The following PDE9A variants were observed in gnomAD, a reference collection of about 807,000 sequenced individuals.
PDE9A encodes the protein high affinity cGMP-specific 3',5'-cyclic phosphodiesterase 9A.
PDE9A carries 60 observed loss-of-function variants against 87.4 expected under a neutral mutation model. The ratio of observed to expected loss-of-function variants is 0.69; its 90% CI spans 0.56 to 0.85. PDE9A has a LOEUF of 0.85. PDE9A is among the 40% of genes least tolerant of loss of function. PDE9A has a pLI of 0.00. For synonymous variants in PDE9A, 272 were observed against 279.4 expected (o/e 0.97, Z 0.27); for missense variants, 665 against 779.0 (o/e 0.85, Z 1.74).
intron 1 of PDE9A, among the ~76,000 whole-genome samples, chr21:42,655,956 G>A (rs1039549509): frequency 6.6e-6 from 1 of 152,176 alleles, no homozygotes; most frequent in African/African-American, 2.4e-5. Flanking sequence ...CAAGCCATGT[G>A]CCGGGCAAAG....
Position 42,723,707 on chromosome 21 carries a change from C to T in PDE9A, c.263-8063C>T, listed in dbSNP as rs958549452. ...TATCAGCTTGCTCTCCCTAGGTTTC[C>T]ATCACATGGATCAGCGAGAGTTAAT... is the stretch of plus-strand genomic sequence containing the variant. On this transcript the variant is annotated intron_variant, in intron 4 of 19. Coordinates refer to ENST00000291539, the MANE Select transcript of PDE9A (RefSeq NM_002606.3). This position sits in a 1 kb window ranked among gnomAD's most constrained non-coding sequence, Gnocchi z 4.3. Among the ~76,000 whole-genome samples the T allele has an allele frequency of 2.0e-5, 3 of 152,126 alleles. No individual in the cohort carries two copies. In the South Asian group the frequency reaches 6.2e-4, roughly 32 times the overall value.
At position 42,759,616 on chromosome 21, in the gene PDE9A, G is replaced by A. The variant is rs1447107553; in HGVS notation, c.897+531G>A. Reference sequence around the variant, plus strand: ...GTGTGTGTGAATGTGTGGTGGGAGTGTGTGGGGTGGGAGTAGGAGTGTGGA... The same window carrying A: ...GTGTGTGTGAATGTGTGGTGGGAGTATGTGGGGTGGGAGTAGGAGTGTGGA... On this transcript the variant is annotated intron_variant, in intron 11 of 19. Coordinates refer to ENST00000291539, the MANE Select transcript of PDE9A (RefSeq NM_002606.3). This position sits in a 1 kb window ranked among gnomAD's most constrained non-coding sequence, Gnocchi z 7.2. Among the ~76,000 whole-genome samples the A allele has an allele frequency of 6.6e-6, 1 of 150,604 alleles. No homozygotes were observed. Among genetic ancestry groups the A allele is most frequent in the African/African-American group, 2.5e-5 (1 of 40,596 alleles).
Position 42,704,142 on chromosome 21 carries a change from T to G in PDE9A, c.262+5131T>G, listed in dbSNP as rs2048610995. Among the ~76,000 whole-genome samples, 1 of 152,194 alleles carries G rather than the reference T, an allele frequency of 6.6e-6. No homozygotes were observed. Among genetic ancestry groups the G allele is most frequent in the African/African-American group, 2.4e-5 (1 of 41,450 alleles). On this transcript the variant is annotated intron_variant, in intron 4 of 19. Coordinates refer to ENST00000291539, the MANE Select transcript of PDE9A (RefSeq NM_002606.3). The surrounding 1 kb of genome is among the most constrained non-coding windows in gnomAD (Gnocchi z 5.3). ...TCTGCTGGGCTGGGCAAGACTTCCC[T>G]CTTCAGAGAGGATGAGCGGCCACAC...
chr21:42,759,152 G>A lies in PDE9A; in HGVS notation c.897+67G>A. The A allele has an allele frequency of 8.5e-7, 1 of 1,176,510 alleles. No individual in the cohort carries two copies. The allele number at this position is 1,176,510 out of a possible 1,614,324, so 72.9% of individuals were successfully genotyped here. On this transcript the variant is annotated intron_variant, in intron 11 of 19. Transcript: ENST00000291539. The surrounding 1 kb of genome is among the most constrained non-coding windows in gnomAD (Gnocchi z 7.2). ...TTTCATCCAGTTCCACAGGAATGGA[G>A]GGAATGGATCACCAGGGCACCTTCC...
intron 1 of PDE9A, among the ~76,000 whole-genome samples, chr21:42,678,251 C>T (rs1654957514): frequency 6.6e-6 from 1 of 152,236 alleles, no homozygotes; most frequent in Admixed American, 6.5e-5. Flanking sequence ...TTATTACCAG[C>T]CCTTCTGCCC....
In PDE9A at chr21:42,659,249, G is replaced by A. The variant is rs1456314592; in HGVS notation, c.69+5366G>A. ...TTTCCAATGTCCAGAGGCCCAGGAGGGGACAGCTGGAAGCCAGAAGCCCAC... is the reference window on the plus strand; with the variant it reads ...TTTCCAATGTCCAGAGGCCCAGGAGAGGACAGCTGGAAGCCAGAAGCCCAC... On this transcript the variant is annotated intron_variant, in intron 1 of 19. Transcript: ENST00000291539. This position sits in a 1 kb window ranked among gnomAD's most constrained non-coding sequence, Gnocchi z 4.1. Among the ~76,000 whole-genome samples, 1 of 152,208 alleles carries A rather than the reference G, an allele frequency of 6.6e-6. No individual in the cohort carries two copies. The highest frequency in any genetic ancestry group is 1.5e-5 in the Non-Finnish European group (1 of 68,036).
intron 7 of PDE9A, among the ~76,000 whole-genome samples, chr21:42,736,375 A>G (rs1172006751): frequency 6.6e-6 from 1 of 152,186 alleles, no homozygotes; most frequent in East Asian, 1.9e-4. Flanking sequence ...ACTGAAGGAA[A>G]TGGCCCATAG....
chr21:42,769,548 GCA>G (rs1180122286), intron 17 of PDE9A, among the ~76,000 whole-genome samples: 6 of 89,442 alleles, frequency 6.7e-5, no homozygotes, highest in South Asian at 4.2e-4. Context: ...GCACACAAAT[GCA>G]CACACAGGCA....
intron 19 of PDE9A, among the ~76,000 whole-genome samples, chr21:42,773,424 A>G (rs1569287547): frequency 6.6e-6 from 1 of 152,234 alleles, no homozygotes; most frequent in Non-Finnish European, 1.5e-5. Flanking sequence ...TTTGCTTTAT[A>G]TGGCTTTGAG....
intron 4 of PDE9A, among the ~76,000 whole-genome samples, chr21:42,715,414 G>A (rs908406969): frequency 6.6e-6 from 1 of 152,074 alleles, no homozygotes; most frequent in South Asian, 2.1e-4. Context: ...ATCACTGGAG[G>A]TCAGGAGTTC....
In PDE9A at chr21:42,760,026, C is replaced by T. The variant is rs2055534216; in HGVS notation, c.898-302C>T. Among the ~76,000 whole-genome samples the T allele has an allele frequency of 6.6e-6, 1 of 151,974 alleles. No individual in the cohort carries two copies. Among genetic ancestry groups the T allele is most frequent in the Non-Finnish European group, 1.5e-5 (1 of 67,980 alleles). Reference sequence around the variant, plus strand: ...CTCCCCCCATCCCCTAACTTTATGCCCCACTGTGGCTCCTCAGACACCTCC... The same window carrying T: ...CTCCCCCCATCCCCTAACTTTATGCTCCACTGTGGCTCCTCAGACACCTCC... On this transcript the variant is annotated intron_variant, in intron 11 of 19. Transcript: ENST00000291539. This position sits in a 1 kb window ranked among gnomAD's most constrained non-coding sequence, Gnocchi z 5.2.
chr21:42,696,888 C>A lies in PDE9A; in HGVS notation c.219-2080C>A, dbSNP rs984545951. ...CGATGACGACCGAGTGCCCTCTCCA[C>A]CTGGGGAGCTTGGAGGACTTTGCTC... On this transcript the variant is annotated intron_variant, in intron 3 of 19. Coordinates refer to ENST00000291539, the MANE Select transcript of PDE9A (RefSeq NM_002606.3). This position sits in a 1 kb window ranked among gnomAD's most constrained non-coding sequence, Gnocchi z 5.1. Among the ~76,000 whole-genome samples the A allele has an allele frequency of 3.3e-5, 5 of 152,166 alleles. No individual in the cohort carries two copies. The highest frequency in any genetic ancestry group is 7.4e-5 in the Non-Finnish European group (5 of 68,020).
At position 42,659,555 on chromosome 21, in the gene PDE9A, C is replaced by T. The variant is rs1013626360; in HGVS notation, c.69+5672C>T. On this transcript the variant is annotated intron_variant, in intron 1 of 19. Transcript: ENST00000291539. This position sits in a 1 kb window ranked among gnomAD's most constrained non-coding sequence, Gnocchi z 4.1. ...GGCATGTGGGGAGGCTCAGGAATGC[C>T]ACCCTTGCCCTCAGGCCTGGGCACA... Among the ~76,000 whole-genome samples the T allele has an allele frequency of 1.3e-5, 2 of 152,220 alleles. No homozygotes were observed. Among genetic ancestry groups the T allele is most frequent in the African/African-American group, 2.4e-5 (1 of 41,454 alleles).
At chr21:42,706,613 T>C (rs1177794971) in intron 4 of PDE9A, among the ~76,000 whole-genome samples, 1 of 151,918 alleles carries the variant, frequency 6.6e-6, no homozygotes, top group Non-Finnish European at 1.5e-5. Flanking sequence ...CACTGCACTC[T>C]AGCCTGGGTG....
chr21:42,722,635 T>C lies in PDE9A; in HGVS notation c.263-9135T>C, dbSNP rs1353265416. ...AGCATGTTCTATTGCTAGGGCCATG[T>C]GTGCATTCGTTTGCCTAGGGGAGAA... On this transcript the variant is annotated intron_variant, in intron 4 of 19. Transcript: ENST00000291539. The surrounding 1 kb of genome is among the most constrained non-coding windows in gnomAD (Gnocchi z 4.1). Among the ~76,000 whole-genome samples the C allele has an allele frequency of 1.3e-5, 2 of 152,224 alleles. No homozygotes were observed. Among genetic ancestry groups the C allele is most frequent in the Non-Finnish European group, 2.9e-5 (2 of 68,036 alleles).
chr21:42,656,242 G>A (rs2057060208), intron 1 of PDE9A, among the ~76,000 whole-genome samples: 1 of 152,168 alleles, frequency 6.6e-6, no homozygotes, highest in Non-Finnish European at 1.5e-5. Context: ...GGAGATAAGG[G>A]ATGTGTTGCT....
At chr21:42,751,304 C>A in intron 9 of PDE9A, 107 bp downstream of exon 9, 1 of 821,394 alleles carries the variant, frequency 1.2e-6, no homozygotes, top group African/African-American at 1.7e-5. Context: ...TCACATCAAC[C>A]GCCCCTCCCA....
At chr21:42,676,055 G>T (rs1406128954) in intron 1 of PDE9A, among the ~76,000 whole-genome samples, 1 of 152,130 alleles carries the variant, frequency 6.6e-6, no homozygotes, top group East Asian at 1.9e-4. Flanking sequence ...TCCCTCACGG[G>T]TGTGCACGCC....
chr21:42,712,683 C>G (rs987712852), intron 4 of PDE9A, among the ~76,000 whole-genome samples: 1 of 152,084 alleles, frequency 6.6e-6, no homozygotes. Context: ...GTTGGAAGTC[C>G]CCGTCTAATG....
Sources: gnomAD v4.1 joint callset for allele counts (sites outside exome capture counted in the v4.1 genomes callset) on GRCh38, gnomAD v4.1.1 for gene constraint, Gnocchi (gnomAD v3.1) non-coding constraint, MANE v1.5 for transcripts, NCBI Gene and HGNC (gene_info 2026-07-23, HGNC 2026-07-21) for gene names.